The following NDUFS4 variants were observed in gnomAD, a reference collection of about 807,000 sequenced individuals.
The protein encoded by NDUFS4 is NADH:ubiquinone oxidoreductase subunit S4.
A neutral mutation model predicts 24.3 loss-of-function variants in NDUFS4; 28 were observed. That is an observed-to-expected ratio of 1.15 (90% confidence interval 0.85 to 1.58). The LOEUF (loss-of-function observed/expected upper bound fraction) is 1.58. NDUFS4 is among the 40% of genes most tolerant of loss of function. NDUFS4 has a pLI of 0.00. For missense variants in NDUFS4, 223 were observed against 207.9 expected (o/e 1.07, Z -0.45); for synonymous variants, 93 against 69.7 (o/e 1.34, Z -1.67).
chr5:53,572,649 GT>G (rs757713153), intron 1 of NDUFS4, among the ~76,000 whole-genome samples: 1,532 of 143,442 alleles, frequency 0.011, 20 homozygotes, highest in African/African-American at 0.034. Flanking sequence ...TCTTCTTGAA[GT>G]TTTTTTTTTT....
At chr5:53,651,128 AC>A (rs1363380202) in intron 3 of NDUFS4, among the ~76,000 whole-genome samples, 1 of 152,174 alleles carries the variant, frequency 6.6e-6, no homozygotes, top group African/African-American at 2.4e-5. Flanking sequence ...ATTTTAAAAA[AC>A]ATTCATTAAT....
chr5:53,636,165 C>A (rs755614085), intron 2 of NDUFS4, among the ~76,000 whole-genome samples: 4 of 152,178 alleles, frequency 2.6e-5, no homozygotes, highest in Non-Finnish European at 4.4e-5. Flanking sequence ...ATTACAGATG[C>A]ATGCCACTGT....
At chr5:53,628,548 T>G (rs1028276998) in intron 2 of NDUFS4, among the ~76,000 whole-genome samples, 1 of 152,196 alleles carries the variant, frequency 6.6e-6, no homozygotes, top group East Asian at 1.9e-4. Flanking sequence ...ATTGCCCCAA[T>G]TTTAGAATCC....
At chr5:53,592,368 A>G (rs2112443407) in intron 1 of NDUFS4, among the ~76,000 whole-genome samples, 1 of 152,308 alleles carries the variant, frequency 6.6e-6, no homozygotes, top group African/African-American at 2.4e-5. Context: ...TAATATTAAT[A>G]GTATCTTTCA....
chr5:53,605,372 GT>G (rs1453913497), intron 2 of NDUFS4, among the ~76,000 whole-genome samples: 1 of 152,036 alleles, frequency 6.6e-6, no homozygotes, highest in Non-Finnish European at 1.5e-5. Context: ...TTTCTATAAA[GT>G]TTTCAAATTT....
rs1336655145 is a variant in NDUFS4 at position 53,571,941 on chromosome 5, T to C, written c.98+11181T>C. Among the ~76,000 whole-genome samples, 3 of 152,192 alleles carry C rather than the reference T, an allele frequency of 2.0e-5. No homozygotes were observed. In the East Asian group the frequency reaches 5.8e-4, roughly 29 times the overall value. ...CTGGATACAAATTCTTTGTCATGTA[T>C]GGGAAAAAATATATCTCTCTAGGTT... On this transcript the variant is annotated intron_variant, in intron 1 of 4. Coordinates refer to ENST00000296684, the MANE Select transcript of NDUFS4 (RefSeq NM_002495.4).
chr5:53,600,252 G>A (rs1031447127), intron 1 of NDUFS4, among the ~76,000 whole-genome samples: 2 of 151,810 alleles, frequency 1.3e-5, no homozygotes, highest in African/African-American at 4.8e-5. Context: ...GCCATCCTCG[G>A]CCTCCCAAAG....
In NDUFS4 at chr5:53,683,327, C is replaced by T; in HGVS notation, c.*106C>T. The stretch of plus-strand genomic sequence containing the variant: ...CTCTTAATCTCCTAATAAATTGGAC[C>T]TTTAAACTACAGATACATTTTGTGG... On this transcript the variant is annotated 3_prime_UTR_variant, in exon 5 of 5. Coordinates refer to ENST00000296684, the MANE Select transcript of NDUFS4 (RefSeq NM_002495.4). 1.2e-6 allele frequency: 1 copy of T among 812,902 alleles called. No homozygotes were observed. Among genetic ancestry groups the T allele is most frequent in the Non-Finnish European group, 2.1e-6 (1 of 474,792 alleles). The allele number at this position is 812,902 out of a possible 1,614,324, so 50.4% of individuals were successfully genotyped here.
chr5:53,567,852 A>G (rs1250901023), intron 1 of NDUFS4, among the ~76,000 whole-genome samples: 1 of 152,152 alleles, frequency 6.6e-6, no homozygotes, highest in Non-Finnish European at 1.5e-5. Context: ...TTATGATTAA[A>G]GACTTGAGCT....
chr5:53,664,650 C>T (rs62371579), intron 4 of NDUFS4, among the ~76,000 whole-genome samples: 2,486 of 152,276 alleles, frequency 0.016, 38 homozygotes, highest in Non-Finnish European at 0.023. Context: ...GTATTTGTCA[C>T]GTAGTTCTTG....
At chr5:53,594,217 C>G (rs1243481354) in intron 1 of NDUFS4, among the ~76,000 whole-genome samples, 11 of 152,094 alleles carry the variant, frequency 7.2e-5, no homozygotes. Context: ...TTGACATTTT[C>G]TTGTTAGGTA....
intron 4 of NDUFS4, among the ~76,000 whole-genome samples, chr5:53,674,147 A>G (rs573423173): frequency 2.6e-4 from 40 of 152,344 alleles, no homozygotes; most frequent in African/African-American, 9.6e-4. Flanking sequence ...AGAAACAGGA[A>G]TACTTGTGTA....
chr5:53,588,107 A>T (rs1438216491), intron 1 of NDUFS4, among the ~76,000 whole-genome samples: 1 of 152,202 alleles, frequency 6.6e-6, no homozygotes, highest in African/African-American at 2.4e-5. Flanking sequence ...TACCATGGTA[A>T]AGCGAGTCAC....
At position 53,625,246 on chromosome 5, in the gene NDUFS4, T is replaced by C. The variant is rs1175369359; in HGVS notation, c.178-20987T>C. On this transcript the variant is annotated intron_variant, in intron 2 of 4. Coordinates refer to ENST00000296684, the MANE Select transcript of NDUFS4 (RefSeq NM_002495.4). The stretch of plus-strand genomic sequence containing the variant: ...TACAGTTTTCTGTTTTCTTTTATCA[T>C]CATTACTGTGTAGGTAATGTGTCTT... Among the ~76,000 whole-genome samples, 3 of 152,174 alleles carry C rather than the reference T, an allele frequency of 2.0e-5. No individual in the cohort carries two copies. In the East Asian group the frequency reaches 5.8e-4, roughly 29 times the overall value.
At chr5:53,656,561 G>A (rs2112519428) in intron 3 of NDUFS4, among the ~76,000 whole-genome samples, 1 of 152,278 alleles carries the variant, frequency 6.6e-6, no homozygotes, top group African/African-American at 2.4e-5. Flanking sequence ...GAACTGATGG[G>A]AAAGTACACC....
At chr5:53,651,513 AT>A (rs1334287391) in intron 3 of NDUFS4, among the ~76,000 whole-genome samples, 35 of 151,956 alleles carry the variant, frequency 2.3e-4, no homozygotes, top group Admixed American at 1.0e-3. Context: ...AAATACTAAT[AT>A]GTAGAATATT....
At chr5:53,661,917 A>G (rs1355534054) in intron 4 of NDUFS4, among the ~76,000 whole-genome samples, 1 of 151,904 alleles carries the variant, frequency 6.6e-6, no homozygotes, top group Non-Finnish European at 1.5e-5. Flanking sequence ...GGGGTTTTCT[A>G]GATATACAAC....
intron 4 of NDUFS4, among the ~76,000 whole-genome samples, chr5:53,673,431 T>C (rs1740349797): frequency 6.6e-6 from 1 of 152,064 alleles, no homozygotes; most frequent in South Asian, 2.1e-4. Flanking sequence ...GGAAGGTAAA[T>C]ATCAAAAGTT....
At chr5:53,674,040 C>T (rs1038080623) in intron 4 of NDUFS4, among the ~76,000 whole-genome samples, 6 of 152,050 alleles carry the variant, frequency 3.9e-5, no homozygotes, top group East Asian at 3.8e-4. Flanking sequence ...CACATAGGTT[C>T]GTCTCCTATA....
Sources: allele counts gnomAD v4.1 joint callset (sites outside exome capture counted in the v4.1 genomes callset), GRCh38; gene constraint gnomAD v4.1.1; transcripts MANE v1.5; gene names NCBI Gene and HGNC (gene_info 2026-07-23, HGNC 2026-07-21).